The following CCDC81 variants were observed in gnomAD, a reference collection of about 807,000 sequenced individuals.
The protein encoded by CCDC81 is coiled-coil domain-containing protein 81.
CCDC81 carries 79 observed loss-of-function variants against 83.7 expected under a neutral mutation model. The ratio of observed to expected loss-of-function variants is 0.94; its 90% CI spans 0.79 to 1.14. The LOEUF (loss-of-function observed/expected upper bound fraction) is 1.14. Ranked by LOEUF, CCDC81 falls within the 50% of genes most tolerant of loss-of-function variation. The pLI, the probability that CCDC81 is intolerant of heterozygous loss-of-function variation, is 0.00. For missense variants in CCDC81, 791 were observed against 778.1 expected (o/e 1.02, Z -0.20); for synonymous variants, 252 against 278.1 (o/e 0.91, Z 0.93).
At chr11:86,385,420 A>G (rs1286513228) in intron 1 of CCDC81, among the ~76,000 whole-genome samples, 1 of 152,184 alleles carries the variant, frequency 6.6e-6, no homozygotes, top group Non-Finnish European at 1.5e-5. Context: ...TACTATTAGT[A>G]TTTGTTATTT....
At position 86,408,143 on chromosome 11, in the gene CCDC81, G is replaced by A; in HGVS notation, c.986G>A (p.Cys329Tyr). The change falls in exon 9 of 15, where the codon TGT becomes TAT. Residue 329 changes from cysteine (C) to tyrosine (Y), a missense_variant. Physicochemically the swap from Cys to Tyr is radical, Grantham distance 194. Coordinates refer to ENST00000445632, the MANE Select transcript of CCDC81 (RefSeq NM_001156474.2). ...GGATTGTAGGAAATGTGCTATGTAT[G>A]TTTGCAACGAGCACAACGAAATTCC... ...NKAGQEMCYV[C>Y]LQRAQRNSLL... 6.2e-7 allele frequency: 1 copy of A among 1,612,506 alleles called. No individual in the cohort carries two copies. The highest frequency in any genetic ancestry group is 1.3e-5 in the African/African-American group (1 of 74,934).
chr11:86,422,801 C>A lies in CCDC81; in HGVS notation c.*86C>A. On this transcript the variant is annotated 3_prime_UTR_variant, in exon 15 of 15. Coordinates refer to ENST00000445632, the MANE Select transcript of CCDC81 (RefSeq NM_001156474.2). ...TGATTGTGAAACTGCGTATTTTTAC[C>A]TCAGAGAAAAAAATCATTGTTTAGG... 7.5e-7 allele frequency: 1 copy of A among 1,326,450 alleles called. No homozygotes were observed. Among genetic ancestry groups the A allele is most frequent in the African/African-American group, 1.5e-5 (1 of 67,856 alleles). The allele number at this position is 1,326,450 out of a possible 1,614,324, so 82.2% of individuals were successfully genotyped here.
chr11:86,393,572 T>C (rs561198964), intron 4 of CCDC81, among the ~76,000 whole-genome samples: 1 of 152,360 alleles, frequency 6.6e-6, no homozygotes, highest in South Asian at 2.1e-4. Flanking sequence ...TATTTTTTAA[T>C]GTTGGTTCTA....
At position 86,400,696 on chromosome 11, in the gene CCDC81, G is replaced by T; in HGVS notation, c.776G>T (p.Arg259Ile). The T allele has an allele frequency of 6.2e-7, 1 of 1,611,034 alleles. No individual in the cohort carries two copies. The highest frequency in any genetic ancestry group is 8.5e-7 in the Non-Finnish European group (1 of 1,177,638). ...TCTACAGATATCTCATCACCCAAAAGACTTCGAGATAGACAAGCTTTGTTC... is the reference window on the plus strand; with the variant it reads ...TCTACAGATATCTCATCACCCAAAATACTTCGAGATAGACAAGCTTTGTTC... Reference protein sequence around the residue: ...EGTRDISSPKRLRDRQALFPA... With the variant: ...EGTRDISSPKILRDRQALFPA... The change falls in exon 7 of 15, where the codon AGA (arginine) becomes ATA (isoleucine). Residue 259 changes from arginine to isoleucine, a missense_variant. Transcript: ENST00000445632.
intron 8 of CCDC81, 52 bp from the exon 9 acceptor site, chr11:86,408,075 A>T: frequency 6.3e-7 from 1 of 1,588,838 alleles, no homozygotes; most frequent in African/African-American, 1.4e-5. Flanking sequence ...GGAATGCGAA[A>T]GCAAAAAGGT....
chr11:86,397,511 G>T, intron 5 of CCDC81, 110 bp from the exon 6 acceptor site: 1 of 1,318,338 alleles, frequency 7.6e-7, no homozygotes, highest in East Asian at 2.4e-5. Flanking sequence ...GAAGAAAGTG[G>T]GCTTATTTCA....
chr11:86,409,291 C>A lies in CCDC81; in HGVS notation c.1144C>A (p.Gln382Lys), dbSNP rs1395406394. The A allele has an allele frequency of 2.0e-6, 3 of 1,518,058 alleles. No homozygotes were observed. The highest frequency in any genetic ancestry group is 1.8e-6 in the Non-Finnish European group (2 of 1,135,182). The allele number at this position is 1,518,058 out of a possible 1,614,324, so 94.0% of individuals were successfully genotyped here. A position where few individuals can be genotyped will look rare whatever the true frequency, so the allele number is the denominator to read the frequency against. The change falls in exon 10 of 15, where the codon CAG becomes AAG. Residue 382 changes from glutamine to lysine, a missense_variant. By Grantham distance (53) the Gln-to-Lys change is moderately conservative (BLOSUM62 1). Coordinates refer to ENST00000445632, the MANE Select transcript of CCDC81 (RefSeq NM_001156474.2). Reference sequence around the variant, plus strand: ...AAGTCTGGCTACTAGAGAACAGAATCAGAAAAATGCTGCCTATAATCTTGG... The same window carrying A: ...AAGTCTGGCTACTAGAGAACAGAATAAGAAAAATGCTGCCTATAATCTTGG... ...MKSLATREQN[Q>K]KNAAYNLGVA...
Position 86,387,557 on chromosome 11 carries a change from A to C in CCDC81, c.183A>C (p.Arg61Ser), listed in dbSNP as rs780515530. Reference protein sequence around the residue: ...IPAFGTFTFIRQKLEVGNNKF... With the variant: ...IPAFGTFTFISQKLEVGNNKF... ...CATTTGGAACTTTCACTTTCATAAG[A>C]CAAAAGCTTGAGGTGGGAAACAACA... Residue 61 changes from arginine to serine, a missense_variant, in exon 3 of 15, where the codon AGA becomes AGC. Physicochemically the swap from Arg to Ser is moderately radical, Grantham distance 110. Transcript: ENST00000445632. 1.2e-6 allele frequency: 2 copies of C among 1,613,994 alleles called. No individual in the cohort carries two copies. The highest frequency in any genetic ancestry group is 1.7e-6 in the Non-Finnish European group (2 of 1,179,974).
intron 6 of CCDC81, 36 bp from the exon 7 acceptor site, chr11:86,400,642 A>C: frequency 6.4e-7 from 1 of 1,567,800 alleles, no homozygotes; most frequent in Non-Finnish European, 8.7e-7. Context: ...TGAGAGTTGA[A>C]AGGAGACTCG....
rs1948606572 is a variant in CCDC81, at chr11:86,409,351, A to G, written c.1204A>G (p.Lys402Glu). Residue 402 changes from lysine to glutamate, a missense_variant, in exon 10 of 15, where the codon AAA (lysine) becomes GAA (glutamate). By Grantham distance (56) the Lys-to-Glu change is moderately conservative. Transcript: ENST00000445632. ...AEAIRNHKNE[K>E]PEFYKSFLFD... ...AGCTATAAGAAACCACAAGAATGAG[A>G]AACCGGAATTTTATGTAAGTCTTTT... 1 of 1,517,868 alleles carries G rather than the reference A, an allele frequency of 6.6e-7. No individual in the cohort carries two copies. Among genetic ancestry groups the G allele is most frequent in the Non-Finnish European group, 8.8e-7 (1 of 1,133,622 alleles). 94.0% of individuals were successfully genotyped at this position (1,517,868 alleles called of 1,614,324 possible).
intron 4 of CCDC81, among the ~76,000 whole-genome samples, chr11:86,394,412 A>T (rs1221699278): frequency 6.6e-6 from 1 of 152,232 alleles, no homozygotes; most frequent in Admixed American, 6.5e-5. Flanking sequence ...ATGTTAAAGG[A>T]GCTGAGAAGT....
At chr11:86,407,847 AATCT>A (rs1015771848) in intron 8 of CCDC81, 146 bp downstream of exon 8, 23 of 680,844 alleles carry the variant, frequency 3.4e-5, no homozygotes, top group Admixed American at 5.7e-5. Context: ...GACTGTGATA[AATCT>A]ATCTACTAGT....
In CCDC81 at chr11:86,400,665, C is replaced by T. The variant is rs368344280; in HGVS notation, c.758-13C>T. Reference sequence around the variant, plus strand: ...GAAAGGAGACTCGTTTTCATTCATTCTTTATTCTACAGATATCTCATCACC... The same window carrying T: ...GAAAGGAGACTCGTTTTCATTCATTTTTTATTCTACAGATATCTCATCACC... On this transcript the variant is annotated splice_polypyrimidine_tract_variant and intron_variant, in intron 6 of 14. Coordinates refer to ENST00000445632, the MANE Select transcript of CCDC81 (RefSeq NM_001156474.2). 2.1e-4 allele frequency: 326 copies of T among 1,581,480 alleles called. 1 individual carries two copies. Among genetic ancestry groups the T allele is most frequent in the Middle Eastern group, 1.9e-3 (11 of 5,936 alleles).
intron 13 of CCDC81, 33 bp downstream of exon 13, chr11:86,415,346 TCTC>T (rs1372211186): frequency 1.9e-6 from 3 of 1,539,840 alleles, no homozygotes; most frequent in African/African-American, 1.4e-5. Context: ...TCCCTCCACT[TCTC>T]CTCACTTATT....
Position 86,412,405 on chromosome 11 carries a change from A to C in CCDC81, c.1237A>C (p.Lys413Gln). The C allele has an allele frequency of 6.3e-7, 1 of 1,592,854 alleles. No individual in the cohort carries two copies. Among genetic ancestry groups the C allele is most frequent in the Non-Finnish European group, 8.5e-7 (1 of 1,173,392 alleles). The change falls in exon 11 of 15, where the codon AAA becomes CAA. Residue 413 changes from lysine (K) to glutamine (Q), a missense_variant. By Grantham distance (53) the Lys-to-Gln change is moderately conservative (BLOSUM62 1). Transcript: ENST00000445632. ...PEFYKSFLFDKRPLSPALNAL... is the reference protein window; with the variant it reads ...PEFYKSFLFDQRPLSPALNAL... The stretch of plus-strand genomic sequence containing the variant: ...ATTCTAGAAATCCTTCCTATTTGAC[A>C]AACGGCCACTCAGTCCTGCGCTTAA...
intron 7 of CCDC81, among the ~76,000 whole-genome samples, chr11:86,406,048 C>T (rs1323043861): frequency 6.6e-6 from 1 of 152,208 alleles, no homozygotes; most frequent in Non-Finnish European, 1.5e-5. Context: ...CAGGTGTGGG[C>T]CGCCATGCCT....
intron 1 of CCDC81, among the ~76,000 whole-genome samples, chr11:86,380,620 G>A (rs1378156554): frequency 6.6e-6 from 1 of 151,764 alleles, no homozygotes; most frequent in Non-Finnish European, 1.5e-5. Flanking sequence ...GGATATTCTG[G>A]GTTTTTTTTT....
At chr11:86,411,014 T>C (rs1398064153) in intron 10 of CCDC81, among the ~76,000 whole-genome samples, 1 of 152,228 alleles carries the variant, frequency 6.6e-6, no homozygotes, top group Non-Finnish European at 1.5e-5. Flanking sequence ...TGCTCTCCTA[T>C]AATTTATTCT....
intron 7 of CCDC81, among the ~76,000 whole-genome samples, chr11:86,403,318 G>A (rs1948518823): frequency 6.6e-6 from 1 of 151,926 alleles, no homozygotes; most frequent in African/African-American, 2.4e-5. Flanking sequence ...GTTTTCTGAT[G>A]TGTATGTTTT....
Sources: gnomAD v4.1 joint callset for allele counts (sites outside exome capture counted in the v4.1 genomes callset) on GRCh38, gnomAD v4.1.1 for gene constraint, MANE v1.5 for transcripts, NCBI Gene and HGNC (gene_info 2026-07-23, HGNC 2026-07-21) for gene names.